The following SCAF4 variants were observed in gnomAD, a reference collection of about 807,000 sequenced individuals.
SCAF4 encodes SR-related and CTD-associated factor 4.
A neutral mutation model predicts 129.8 loss-of-function variants in SCAF4; 25 were observed. The ratio of observed to expected loss-of-function variants is 0.19; its 90% CI spans 0.14 to 0.27. The LOEUF (loss-of-function observed/expected upper bound fraction) is 0.27. SCAF4 is among the 10% of genes least tolerant of loss of function. The pLI, the probability that SCAF4 is intolerant of heterozygous loss-of-function variation, is 1.00. For missense variants in SCAF4, 1,246 were observed against 1,457.1 expected, an observed-to-expected ratio of 0.86 and a Z score of 2.36; for synonymous variants, 551 against 497.7, an observed-to-expected ratio of 1.11 and a Z score of -1.43.
intron 7 of SCAF4, among the ~76,000 whole-genome samples, chr21:31,698,808 T>C (rs1325230758): frequency 6.6e-6 from 1 of 152,208 alleles, no homozygotes; most frequent in African/African-American, 2.4e-5. Flanking sequence ...CCTACAATGT[T>C]AACTCCTGAA....
At chr21:31,709,217 T>G (rs1568854270) in intron 1 of SCAF4, among the ~76,000 whole-genome samples, 1 of 152,124 alleles carries the variant, frequency 6.6e-6, no homozygotes, top group Non-Finnish European at 1.5e-5. Flanking sequence ...TTTTGATGGT[T>G]GATTTTGCTG....
At chr21:31,716,957 C>T (rs1437743377) in intron 1 of SCAF4, among the ~76,000 whole-genome samples, 4 of 152,072 alleles carry the variant, frequency 2.6e-5, no homozygotes, top group East Asian at 1.9e-4. Flanking sequence ...GAAAAATGTA[C>T]AGAAGCAATT....
chr21:31,689,299 T>C (rs1294085859), intron 15 of SCAF4, among the ~76,000 whole-genome samples: 1 of 151,074 alleles, frequency 6.6e-6, no homozygotes, highest in African/African-American at 2.4e-5. Context: ...GCTTCCTTTA[T>C]TTTATTTTAA....
chr21:31,716,126 T>G (rs1274254695), intron 1 of SCAF4, among the ~76,000 whole-genome samples: 2 of 152,166 alleles, frequency 1.3e-5, no homozygotes, highest in East Asian at 3.8e-4. Flanking sequence ...GCCATCTTTT[T>G]AAAACTTAAA....
rs143727305 is a variant in SCAF4, at chr21:31,690,910, T to C, written c.1772A>G (p.Gln591Arg). The C allele has an allele frequency of 8.1e-6, 13 of 1,612,850 alleles. No homozygotes were observed. The highest frequency in any genetic ancestry group is 2.2e-5 in the East Asian group (1 of 44,870). The change falls in exon 15 of 20, where the codon CAG (glutamine) becomes CGG (arginine). Residue 591 changes from glutamine (Q) to arginine (R), a missense_variant. Transcript: ENST00000286835. ...AACACCAAGTTCTACATCCCAATAC[T>C]GCTTATAATCTGCCTTTATTCCTTT... Reference protein sequence around the residue: ...LNKGIKADYKQYWDVELGVTY... With the variant: ...LNKGIKADYKRYWDVELGVTY...
At chr21:31,708,606 C>T (rs1006389371) in intron 1 of SCAF4, among the ~76,000 whole-genome samples, 1 of 152,040 alleles carries the variant, frequency 6.6e-6, no homozygotes, top group South Asian at 2.1e-4. Flanking sequence ...TACCTTAACA[C>T]AGTGAAAGGG....
intron 1 of SCAF4, among the ~76,000 whole-genome samples, chr21:31,731,347 C>A (rs2051351298): frequency 6.6e-6 from 1 of 152,202 alleles, no homozygotes; most frequent in African/African-American, 2.4e-5. Flanking sequence ...AGAGCGAGGG[C>A]GCCCAGACCC....
chr21:31,691,116 C>A (rs747461252), intron 14 of SCAF4, among the ~76,000 whole-genome samples, 163 bp from the exon 15 acceptor site: 1 of 152,232 alleles, frequency 6.6e-6, no homozygotes, highest in Admixed American at 6.5e-5. Flanking sequence ...CACTACAGAA[C>A]TGGTTACCCT....
At chr21:31,690,288 C>G (rs2050229019) in intron 15 of SCAF4, among the ~76,000 whole-genome samples, 1 of 151,874 alleles carries the variant, frequency 6.6e-6, no homozygotes, top group African/African-American at 2.4e-5. Flanking sequence ...AGTTCGAGAC[C>G]AGCCTGGCCA....
At chr21:31,717,904 T>TATACACAC (rs1386669965) in intron 1 of SCAF4, among the ~76,000 whole-genome samples, 1 of 117,946 alleles carries the variant, frequency 8.5e-6, no homozygotes, top group Non-Finnish European at 1.7e-5. Flanking sequence ...TACACATATA[T>TATACACAC]ACACACACAC....
chr21:31,723,573 T>C (rs377598029), intron 1 of SCAF4, among the ~76,000 whole-genome samples: 1 of 152,012 alleles, frequency 6.6e-6, no homozygotes, highest in South Asian at 2.1e-4. Context: ...AAAAAACATA[T>C]ATTAATGCAA....
At chr21:31,721,424 G>A (rs1018195305) in intron 1 of SCAF4, among the ~76,000 whole-genome samples, 1 of 151,952 alleles carries the variant, frequency 6.6e-6, no homozygotes, top group African/African-American at 2.4e-5. Context: ...AGTAATTTTC[G>A]GTATTACAGG....
chr21:31,692,583 CA>C (rs771002114), intron 12 of SCAF4, 134 bp from the exon 13 acceptor site: 13 of 558,034 alleles, frequency 2.3e-5, no homozygotes, highest in Non-Finnish European at 3.4e-5. Context: ...GTAAATCTCA[CA>C]TACATTTTAA....
chr21:31,729,608 T>C (rs1351924814), intron 1 of SCAF4, among the ~76,000 whole-genome samples: 1 of 152,174 alleles, frequency 6.6e-6, no homozygotes, highest in African/African-American at 2.4e-5. Context: ...GGAGAAATAG[T>C]TGAGAAGCAC....
At position 31,671,985 on chromosome 21, in the gene SCAF4, G is replaced by GGCTGTT. The variant is rs1568816732; in HGVS notation, c.2857_2858insAACAGC (p.Gln952_Pro953insGlnGln). The GGCTGTT allele has an allele frequency of 6.2e-7, 1 of 1,611,296 alleles. No individual in the cohort carries two copies. Among genetic ancestry groups the GGCTGTT allele is most frequent in the East Asian group, 2.2e-5 (1 of 44,814 alleles). On this transcript the variant is annotated inframe_insertion, in exon 20 of 20. Coordinates refer to ENST00000286835, the MANE Select transcript of SCAF4 (RefSeq NM_020706.2). Reference sequence around the variant, plus strand: ...CTGCTGTGGTTGCTGGGGCGCCTGCGGCTGTGGCTGCTGCTGTGGCTGCTG... The same window carrying GGCTGTT: ...CTGCTGTGGTTGCTGGGGCGCCTGCGGCTGTTGCTGTGGCTGCTGCTGTGGCTGCTG...
intron 1 of SCAF4, among the ~76,000 whole-genome samples, chr21:31,725,682 C>CTAAG (rs2051184519): frequency 6.6e-6 from 1 of 152,116 alleles, no homozygotes; most frequent in African/African-American, 2.4e-5. Flanking sequence ...CATATGAATA[C>CTAAG]TAAGATAGTT....
At position 31,732,106 on chromosome 21, in the gene SCAF4, C is replaced by T; in HGVS notation, c.-414G>A. 1 of 403,776 alleles carries T rather than the reference C, an allele frequency of 2.5e-6. No homozygotes were observed. The highest frequency in any genetic ancestry group is 3.6e-5 in the East Asian group (1 of 27,412). The allele number at this position is 403,776 out of a possible 1,614,324, so 25.0% of individuals were successfully genotyped here. A position where few individuals can be genotyped will look rare whatever the true frequency, so the allele number is the denominator to read the frequency against. On this transcript the variant is annotated 5_prime_UTR_variant, in exon 1 of 20. Transcript: ENST00000286835. ...GCGGCAGCGGCCCGAGTCCACGCCG[C>T]GCGGGGCACCCTGGGACGGCTCAGG...
intron 1 of SCAF4, among the ~76,000 whole-genome samples, chr21:31,721,088 A>G (rs1358215354): frequency 6.6e-6 from 1 of 152,218 alleles, no homozygotes; most frequent in Admixed American, 6.5e-5. Flanking sequence ...AACACTTTAT[A>G]GAGTATTTTC....
rs563822266 is a variant in SCAF4 at position 31,696,819 on chromosome 21, A to G, written c.778-69T>C. On this transcript the variant is annotated intron_variant, in intron 7 of 19. Transcript: ENST00000286835. ...TTCACTGCACAAAAAACTTTATGAA[A>G]ACAAGGGATGTTTACCACCATCTAG... is the stretch of plus-strand genomic sequence containing the variant. 8 of 1,329,542 alleles carry G rather than the reference A, an allele frequency of 6.0e-6. No individual in the cohort carries two copies. In the African/African-American group the frequency reaches 1.2e-4, roughly 19 times the overall value. 82.4% of individuals were successfully genotyped at this position (1,329,542 alleles called of 1,614,324 possible). A position where few individuals can be genotyped will look rare whatever the true frequency, so the allele number is the denominator to read the frequency against.
Sources: allele counts gnomAD v4.1 joint callset (sites outside exome capture counted in the v4.1 genomes callset), GRCh38; gene constraint gnomAD v4.1.1; transcripts MANE v1.5; gene names NCBI Gene and HGNC (gene_info 2026-07-23, HGNC 2026-07-21).